The following SHISA9 variants were observed in gnomAD, a reference collection of about 807,000 sequenced individuals.
The protein encoded by SHISA9 is protein shisa-9.
SHISA9 carries 13 observed loss-of-function variants against 38.0 expected under a neutral mutation model. The observed-to-expected ratio is 0.34, with a 90% CI of 0.22 to 0.54. SHISA9 has a LOEUF of 0.54. Ranked by LOEUF, SHISA9 falls within the 20% of genes least tolerant of loss-of-function variation. SHISA9 has a pLI of 0.91. For missense variants in SHISA9, 538 were observed against 575.8 expected, an observed-to-expected ratio of 0.93 and a Z score of 0.67; for synonymous variants, 275 against 242.0, an observed-to-expected ratio of 1.14 and a Z score of -1.27.
intron 1 of SHISA9, chr16:12,908,924 C>G: frequency 9.8e-7 from 1 of 1,016,284 alleles, no homozygotes; most frequent in Admixed American, 5.5e-5. Context: ...AGATAAGGGT[C>G]CTGTGTGTTT....
At chr16:12,969,319 C>A (rs1367883812) in intron 2 of SHISA9, among the ~76,000 whole-genome samples, 1 of 151,330 alleles carries the variant, frequency 6.6e-6, no homozygotes, top group Non-Finnish European at 1.5e-5. Context: ...AAAAAAAGCA[C>A]AAGAGAGCTC....
chr16:13,378,552 G>C, the SHISA9 span, among the ~76,000 whole-genome samples: 2 of 152,200 alleles, frequency 1.3e-5, no homozygotes, highest in African/African-American at 2.4e-5. Flanking sequence ...CTAGAGTGGA[G>C]TCAACTCTCC....
chr16:12,974,734 C>T (rs4346192), intron 2 of SHISA9, among the ~76,000 whole-genome samples: 24,595 of 151,808 alleles, frequency 0.16, 2,124 homozygotes, highest in Admixed American at 0.2. Flanking sequence ...CCACCTGCCT[C>T]GGCCTCCCAT....
the SHISA9 span, among the ~76,000 whole-genome samples, chr16:13,315,200 G>C: frequency 6.6e-6 from 1 of 152,170 alleles, no homozygotes; most frequent in Non-Finnish European, 1.5e-5. Context: ...CATAGCACCT[G>C]CAATGCTGAC....
chr16:13,475,771 G>C, the SHISA9 span, among the ~76,000 whole-genome samples: 2 of 152,124 alleles, frequency 1.3e-5, no homozygotes, highest in Non-Finnish European at 2.9e-5. Context: ...TTGTTTTCCT[G>C]CAACTAGACA....
chr16:13,000,860 T>C (rs772940984), intron 2 of SHISA9, among the ~76,000 whole-genome samples: 3 of 152,194 alleles, frequency 2.0e-5, no homozygotes, highest in Non-Finnish European at 2.9e-5. Flanking sequence ...TAAAGCTTTT[T>C]CCTGGACAGC....
At chr16:13,443,490 A>C in the SHISA9 span, among the ~76,000 whole-genome samples, 2 of 152,200 alleles carry the variant, frequency 1.3e-5, no homozygotes, top group African/African-American at 4.8e-5. Flanking sequence ...GATCTTAGGA[A>C]GTAATGCACC....
chr16:12,905,161 C>T (rs1200669232), intron 1 of SHISA9, among the ~76,000 whole-genome samples: 1 of 152,194 alleles, frequency 6.6e-6, no homozygotes, highest in Admixed American at 6.5e-5. Flanking sequence ...TAAACACTCT[C>T]TCATTTAGTT....
chr16:13,406,040 TCAA>T, the SHISA9 span, among the ~76,000 whole-genome samples: 1 of 151,368 alleles, frequency 6.6e-6, no homozygotes, highest in African/African-American at 2.4e-5. Context: ...GAAGGAATAA[TCAA>T]CAGAATAAAC....
At chr16:13,243,919 C>T (rs1329741346), downstream of SHISA9, among the ~76,000 whole-genome samples, 4 of 151,914 alleles carry the variant, frequency 2.6e-5, no homozygotes, top group South Asian at 2.1e-4. Flanking sequence ...ACTACAGGCA[C>T]GCACCACCAC....
chr16:13,230,233 G>A (rs917358285), intron 4 of SHISA9, among the ~76,000 whole-genome samples: 2 of 152,170 alleles, frequency 1.3e-5, no homozygotes, highest in East Asian at 3.9e-4. Flanking sequence ...TATTTCAAGT[G>A]TCCAGTACAT....
At chr16:13,552,716 T>C in the SHISA9 span, among the ~76,000 whole-genome samples, 1 of 151,754 alleles carries the variant, frequency 6.6e-6, no homozygotes, top group East Asian at 1.9e-4. Flanking sequence ...AATAATGAGA[T>C]TTTTTTTAAA....
In SHISA9 at chr16:13,052,650, C is replaced by G. The variant is rs369949146; in HGVS notation, c.691+135835C>G. On this transcript the variant is annotated intron_variant, in intron 2 of 4. Transcript: ENST00000558583. ...ACCCAACCAAGAAATCCATATGGCT[C>G]CAAGTTGCTGGGGAGTTGTTTCTAT... Among the ~76,000 whole-genome samples, 11 of 152,304 alleles carry G rather than the reference C, an allele frequency of 7.2e-5. No homozygotes were observed. In the East Asian group the frequency reaches 9.6e-4, roughly 13 times the overall value.
intron 2 of SHISA9, among the ~76,000 whole-genome samples, chr16:12,924,642 A>G (rs2141732407): frequency 6.6e-6 from 1 of 152,342 alleles, no homozygotes; most frequent in Middle Eastern, 3.4e-3. Context: ...TAGATTAGCT[A>G]AAATATGTTT....
intron 2 of SHISA9, among the ~76,000 whole-genome samples, chr16:13,049,178 G>C (rs894544198): frequency 6.6e-6 from 1 of 151,390 alleles, no homozygotes; most frequent in Non-Finnish European, 1.5e-5. Flanking sequence ...GTGTGTGTGT[G>C]TGTGTGTGTG....
chr16:13,363,620 T>C, the SHISA9 span, among the ~76,000 whole-genome samples: 5 of 152,212 alleles, frequency 3.3e-5, no homozygotes, highest in East Asian at 7.7e-4. Context: ...TGTAAATGGT[T>C]TGGTAGAACT....
the SHISA9 span, among the ~76,000 whole-genome samples, chr16:13,378,631 A>G: frequency 6.7e-3 from 1,028 of 152,326 alleles, 10 homozygotes; most frequent in African/African-American, 0.023. Context: ...GAGGTTCTCT[A>G]TAGATTAATT....
At chr16:13,232,157 G>C (rs901986078) in intron 4 of SHISA9, among the ~76,000 whole-genome samples, 1 of 152,222 alleles carries the variant, frequency 6.6e-6, no homozygotes. Context: ...AAGTTCACAT[G>C]TGTGACACTG....
chr16:13,224,960 C>A (rs1014836616), intron 4 of SHISA9, among the ~76,000 whole-genome samples: 10 of 152,126 alleles, frequency 6.6e-5, no homozygotes, highest in Non-Finnish European at 1.5e-4. Flanking sequence ...CTTGTCCATT[C>A]AGAACCTCAG....
Sources: allele counts gnomAD v4.1 joint callset (sites outside exome capture counted in the v4.1 genomes callset), GRCh38; gene constraint gnomAD v4.1.1; transcripts MANE v1.5; gene names NCBI Gene and HGNC (gene_info 2026-07-23, HGNC 2026-07-21).